ARHGEF3: variants seen among roughly 807,000 people sequenced by gnomAD.
The protein encoded by ARHGEF3 is 59.8 kDA protein.
Under a neutral mutation model 63.2 loss-of-function variants are expected in ARHGEF3, and 28 were observed. The observed-to-expected ratio is 0.44, with a 90% CI of 0.33 to 0.61. ARHGEF3 has a LOEUF of 0.61. ARHGEF3 is among the 20% of genes least tolerant of loss of function. The pLI is 0.03. For synonymous variants in ARHGEF3, 266 were observed against 254.2 expected (o/e 1.05, Z -0.44); for missense variants, 533 against 659.3 (o/e 0.81, Z 2.10).
At chr3:57,067,001 T>C (rs146192868) in intron 1 of ARHGEF3, among the ~76,000 whole-genome samples, 56 of 152,296 alleles carry the variant, frequency 3.7e-4, no homozygotes, top group African/African-American at 1.3e-3. Flanking sequence ...ATCCTGTTGG[T>C]TCTGTTTCTC....
chr3:56,757,715 T>A (rs1451722525), intron 2 of ARHGEF3, among the ~76,000 whole-genome samples: 2 of 151,970 alleles, frequency 1.3e-5, no homozygotes, highest in East Asian at 3.9e-4. Context: ...CTCCTTTATA[T>A]ATTTTTAGCC....
chr3:56,798,096 G>T (rs2037460912), intron 1 of ARHGEF3, among the ~76,000 whole-genome samples: 1 of 152,162 alleles, frequency 6.6e-6, no homozygotes, highest in Non-Finnish European at 1.5e-5. Flanking sequence ...CACTAGACAT[G>T]GTAGACATAG....
chr3:56,740,837 C>T (rs1425332484), intron 7 of ARHGEF3, among the ~76,000 whole-genome samples: 2 of 152,202 alleles, frequency 1.3e-5, no homozygotes, highest in Non-Finnish European at 2.9e-5. Context: ...TTCTGAGTTG[C>T]CTGCAAATAT....
At chr3:56,794,126 A>G (rs147572170) in intron 1 of ARHGEF3, among the ~76,000 whole-genome samples, 174 of 152,294 alleles carry the variant, frequency 1.1e-3, no homozygotes, top group African/African-American at 1.9e-3. Context: ...GAGAATGCAC[A>G]TGAGTGTGGA....
intron 4 of ARHGEF3, among the ~76,000 whole-genome samples, chr3:56,881,992 C>T (rs1214231197): frequency 1.3e-5 from 2 of 152,246 alleles, no homozygotes; most frequent in African/African-American, 4.8e-5. Flanking sequence ...CTGGAACCAG[C>T]CTCTAAAAGA....
intron 4 of ARHGEF3, among the ~76,000 whole-genome samples, chr3:56,867,940 T>C (rs958810674): frequency 2.6e-5 from 4 of 152,158 alleles, no homozygotes; most frequent in African/African-American, 9.7e-5. Flanking sequence ...TCTGGCTCTA[T>C]TTATCAAACC....
upstream of ARHGEF3, chr3:56,802,093 G>A (rs1475126058): frequency 5.8e-6 from 6 of 1,031,930 alleles, no homozygotes; most frequent in East Asian, 1.3e-4. Flanking sequence ...TGCGAGGGGC[G>A]TGGGGCGGTC....
chr3:56,769,271 G>A (rs146856759), intron 2 of ARHGEF3, among the ~76,000 whole-genome samples: 4,184 of 152,318 alleles, frequency 0.027, 61 homozygotes, highest in Non-Finnish European at 0.034. Context: ...CTCAGGGAGC[G>A]ACTGGCCAAA....
intron 3 of ARHGEF3, among the ~76,000 whole-genome samples, chr3:56,948,835 A>AT (rs200193100): frequency 0.34 from 51,986 of 151,292 alleles, 9,340 homozygotes; most frequent in Middle Eastern, 0.49. Context: ...AAAAAAGAGA[A>AT]TTTAGACCAA....
chr3:56,767,235 A>C (rs2035751530), intron 2 of ARHGEF3, among the ~76,000 whole-genome samples: 1 of 152,114 alleles, frequency 6.6e-6, no homozygotes. Flanking sequence ...TACCGTTAAG[A>C]CCAAAGGGAG....
intron 4 of ARHGEF3, among the ~76,000 whole-genome samples, chr3:56,864,720 C>T (rs2040185429): frequency 6.6e-6 from 1 of 152,120 alleles, no homozygotes; most frequent in South Asian, 2.1e-4. Context: ...CATGTAAGGT[C>T]CTCAAGGACC....
intron 4 of ARHGEF3, among the ~76,000 whole-genome samples, chr3:56,867,024 T>C (rs2040272995): frequency 6.6e-6 from 1 of 152,260 alleles, no homozygotes; most frequent in Non-Finnish European, 1.5e-5. Context: ...AAGCCTGGTA[T>C]TATTTTTACC....
At chr3:56,874,918 C>G (rs566206378) in intron 4 of ARHGEF3, among the ~76,000 whole-genome samples, 1 of 152,090 alleles carries the variant, frequency 6.6e-6, no homozygotes, top group Admixed American at 6.6e-5. Context: ...GTCACAGGAC[C>G]GTACCACTGT....
chr3:56,891,853 G>A (rs150582124), intron 3 of ARHGEF3, among the ~76,000 whole-genome samples: 1 of 152,232 alleles, frequency 6.6e-6, no homozygotes, highest in African/African-American at 2.4e-5. Context: ...GGAAAATCAT[G>A]GGGAAAATAC....
chr3:57,005,642 T>C (rs1182334432), intron 2 of ARHGEF3, among the ~76,000 whole-genome samples: 1 of 152,216 alleles, frequency 6.6e-6, no homozygotes, highest in African/African-American at 2.4e-5. Flanking sequence ...TCTCTGTCTA[T>C]AGACCTCACT....
At chr3:56,948,624 G>A in intron 3 of ARHGEF3, among the ~76,000 whole-genome samples, 1 of 152,138 alleles carries the variant, frequency 6.6e-6, no homozygotes, top group Admixed American at 6.5e-5. Flanking sequence ...CTCTGAAATT[G>A]AGGCAATAAT....
At chr3:57,036,444 C>T (rs1703965997) in intron 1 of ARHGEF3, among the ~76,000 whole-genome samples, 1 of 152,090 alleles carries the variant, frequency 6.6e-6, no homozygotes, top group Non-Finnish European at 1.5e-5. Flanking sequence ...GAAGAATATT[C>T]CAGTGGCGTG....
At chr3:56,994,064 C>CAAAAAAAAAATAAAAAAAA (rs1701875401) in intron 2 of ARHGEF3, among the ~76,000 whole-genome samples, 1 of 59,722 alleles carries the variant, frequency 1.7e-5, no homozygotes, top group Non-Finnish European at 3.3e-5. Context: ...AACTTCGTCT[C>CAAAAAAAAAATAAAAAAAA]AAAAAAAAAA....
chr3:56,994,864 C>G (rs1429038244), intron 2 of ARHGEF3, among the ~76,000 whole-genome samples: 2 of 152,130 alleles, frequency 1.3e-5, no homozygotes, highest in East Asian at 3.9e-4. Context: ...TGAGAGGTGA[C>G]TGGACCTGGT....
Sources: gnomAD v4.1 joint callset for allele counts (sites outside exome capture counted in the v4.1 genomes callset) on GRCh38, gnomAD v4.1.1 for gene constraint, MANE v1.5 for transcripts, NCBI Gene and HGNC (gene_info 2026-07-23, HGNC 2026-07-21) for gene names.